The following LRP2 variants were observed in gnomAD, a reference collection of about 807,000 sequenced individuals.
The protein encoded by LRP2 is low-density lipoprotein receptor-related protein 2.
A neutral mutation model predicts 531.0 loss-of-function variants in LRP2; 172 were observed. The ratio of observed to expected loss-of-function variants is 0.32; its 90% CI spans 0.29 to 0.37. LRP2 has a LOEUF of 0.37. Ranked by LOEUF, LRP2 falls within the 10% of genes least tolerant of loss-of-function variation. The probability of loss-of-function intolerance (pLI) is 1.00; values close to 1 mark genes in which losing one functional copy is unlikely to be tolerated. For missense variants in LRP2, 5,167 were observed against 5,868.3 expected (o/e 0.88, Z 3.90); for synonymous variants, 1,992 against 2,027.6 (o/e 0.98, Z 0.47).
intron 1 of LRP2, among the ~76,000 whole-genome samples, chr2:169,355,096 G>T (rs1040681519): frequency 1.3e-5 from 2 of 152,200 alleles, no homozygotes; most frequent in Non-Finnish European, 2.9e-5. Flanking sequence ...GAACTTTCCT[G>T]TCTATCACAA....
chr2:169,326,912 C>T (rs1419546726), intron 1 of LRP2, among the ~76,000 whole-genome samples: 10 of 151,630 alleles, frequency 6.6e-5, no homozygotes, highest in Admixed American at 2.0e-4. Context: ...GCGGCGACCC[C>T]GTCTGGGAGG....
chr2:169,180,496 T>C (rs1019764004), intron 52 of LRP2, among the ~76,000 whole-genome samples: 1 of 152,164 alleles, frequency 6.6e-6, no homozygotes, highest in African/African-American at 2.4e-5. Flanking sequence ...AGAAAGTACT[T>C]GGATTGATTA....
At chr2:169,188,462 T>C (rs1000101418) in intron 48 of LRP2, among the ~76,000 whole-genome samples, 197 bp from the exon 49 acceptor site, 1 of 152,146 alleles carries the variant, frequency 6.6e-6, no homozygotes, top group Non-Finnish European at 1.5e-5. Context: ...AAGAATCCAA[T>C]ATTTGGCATT....
chr2:169,168,018 A>AATATATATATATATATAT (rs4001548), intron 61 of LRP2, among the ~76,000 whole-genome samples: 2,326 of 67,834 alleles, frequency 0.034, 221 homozygotes, highest in Admixed American at 0.057. Context: ...CAGGGTTTAA[A>AATATATATATATATATAT]ATATATATAT....
Position 169,289,275 on chromosome 2 carries a change from C to T in LRP2, c.923-130G>A, listed in dbSNP as rs1042108126. The T allele has an allele frequency of 3.4e-6, 4 of 1,192,034 alleles. No individual in the cohort carries two copies. The African/African-American group carries it at 4.5e-5, about 13-fold the overall frequency. 73.8% of individuals were successfully genotyped at this position (1,192,034 alleles called of 1,614,324 possible). A position where few individuals can be genotyped will look rare whatever the true frequency, so the allele number is the denominator to read the frequency against. On this transcript the variant is annotated intron_variant, in intron 8 of 78. Transcript: ENST00000649046. ...TAGATGTACAGAAAAATCTGTCACC[C>T]TTCAAAGCTTACTGCAAAACTTTGC... is the stretch of plus-strand genomic sequence containing the variant.
intron 31 of LRP2, among the ~76,000 whole-genome samples, chr2:169,228,165 T>C (rs1689267573): frequency 6.6e-6 from 1 of 152,126 alleles, no homozygotes; most frequent in African/African-American, 2.4e-5. Context: ...CACAAAGAAA[T>C]CAAGCAATTT....
Position 169,197,793 on chromosome 2 carries a change from A to G in LRP2, c.8579-763T>C, listed in dbSNP as rs566624403. Among the ~76,000 whole-genome samples, 3 of 152,306 alleles carry G rather than the reference A, an allele frequency of 2.0e-5. No individual in the cohort carries two copies. In the East Asian group the frequency reaches 5.8e-4, roughly 29 times the overall value. On this transcript the variant is annotated intron_variant, in intron 45 of 78. Transcript: ENST00000649046. ...GCCCTATCTGGTGGCTGCAACCTGA[A>G]TTCTGCTTCCTTGTGCTGCTGTTAT...
rs1411097492 is a variant in LRP2 at position 169,216,246 on chromosome 2, C to T, written c.5826+7G>A. ...TAAAGACCAAAAGACTGAAAGGGTG[C>T]TCATACCACTCCTCTTCCAGTGACT... On this transcript the variant is annotated splice_region_variant and intron_variant, in intron 35 of 78. Transcript: ENST00000649046. The T allele has an allele frequency of 2.5e-6, 4 of 1,613,024 alleles. No individual in the cohort carries two copies. Among genetic ancestry groups the T allele is most frequent in the Non-Finnish European group, 3.4e-6 (4 of 1,179,392 alleles).
intron 48 of LRP2, 143 bp downstream of exon 48, chr2:169,191,689 G>T: frequency 3.1e-6 from 2 of 640,796 alleles, no homozygotes; most frequent in South Asian, 2.1e-5. Flanking sequence ...CTTTGATTTG[G>T]AAAGGAATCC....
At chr2:169,247,988 G>A (rs190138390) in intron 19 of LRP2, among the ~76,000 whole-genome samples, 7 of 152,244 alleles carry the variant, frequency 4.6e-5, no homozygotes, top group East Asian at 3.9e-4. Context: ...TAATGACAGC[G>A]CTTAAATTGT....
intron 9 of LRP2, among the ~76,000 whole-genome samples, chr2:169,288,665 A>G (rs1438624761): frequency 6.6e-6 from 1 of 152,210 alleles, no homozygotes; most frequent in Non-Finnish European, 1.5e-5. Context: ...GGCAGCAGCT[A>G]TCTACCAACC....
intron 65 of LRP2, among the ~76,000 whole-genome samples, chr2:169,155,347 T>C (rs1461211579): frequency 6.6e-6 from 1 of 152,230 alleles, no homozygotes; most frequent in African/African-American, 2.4e-5. Context: ...GATTTAAACA[T>C]TTAAAAAATT....
chr2:169,360,128 CAA>C (rs67818940), intron 1 of LRP2, among the ~76,000 whole-genome samples: 137 of 105,014 alleles, frequency 1.3e-3, no homozygotes, highest in East Asian at 2.5e-3. Context: ...CTGTCTCTCT[CAA>C]AAAAAAAAAA....
At chr2:169,217,945 G>T (rs77890224) in intron 34 of LRP2, among the ~76,000 whole-genome samples, 2,802 of 152,188 alleles carry the variant, frequency 0.018, 71 homozygotes, top group Middle Eastern at 0.071. Context: ...TCTTAAAAGA[G>T]TATTCACATT....
chr2:169,266,335 T>G (rs1186048276), intron 16 of LRP2, among the ~76,000 whole-genome samples: 2 of 151,538 alleles, frequency 1.3e-5, no homozygotes, highest in Non-Finnish European at 2.9e-5. Flanking sequence ...GAAGAAATAG[T>G]CAAAAGAGCT....
intron 68 of LRP2, 152 bp downstream of exon 68, chr2:169,150,746 G>T: frequency 1.2e-6 from 1 of 808,940 alleles, no homozygotes; most frequent in South Asian, 1.6e-5. Context: ...TCAAGGGCAT[G>T]TTATAATTCT....
In LRP2 at chr2:169,294,584, T is replaced by C. The variant is rs752230544; in HGVS notation, c.538+16A>G. On this transcript the variant is annotated intron_variant, in intron 5 of 78. Transcript: ENST00000649046. Reference sequence around the variant, plus strand: ...AGCTTCAGCACACAACTGCACATCTTGTGCACAATACTTACTGCAGTTGAT... The same window carrying C: ...AGCTTCAGCACACAACTGCACATCTCGTGCACAATACTTACTGCAGTTGAT... The C allele has an allele frequency of 3.6e-5, 56 of 1,568,206 alleles. No individual in the cohort carries two copies. The highest frequency in any genetic ancestry group is 4.4e-5 in the Non-Finnish European group (50 of 1,138,722).
intron 24 of LRP2, 54 bp downstream of exon 24, chr2:169,242,902 G>T: frequency 7.6e-7 from 1 of 1,314,476 alleles, no homozygotes; most frequent in Non-Finnish European, 1.1e-6. Flanking sequence ...TATCAATACT[G>T]GCAAAAATGA....
chr2:169,127,361 T>A lies in LRP2; in HGVS notation c.*1302A>T, dbSNP rs1407481770. 2 of 152,126 alleles carry A rather than the reference T, an allele frequency of 1.3e-5. No homozygotes were observed. The highest frequency in any genetic ancestry group is 4.8e-5 in the African/African-American group (2 of 41,400). 9.4% of individuals were successfully genotyped at this position (152,126 alleles called of 1,614,324 possible). On this transcript the variant is annotated 3_prime_UTR_variant, in exon 79 of 79. Coordinates refer to ENST00000649046, the MANE Select transcript of LRP2 (RefSeq NM_004525.3). ...CTATTTGCTATGGGAAAGTGTATATTCCTGCCATGGTTCCTGTTGTGCAGA... is the reference window on the plus strand; with the variant it reads ...CTATTTGCTATGGGAAAGTGTATATACCTGCCATGGTTCCTGTTGTGCAGA...
Sources: allele counts gnomAD v4.1 joint callset (sites outside exome capture counted in the v4.1 genomes callset), GRCh38; gene constraint gnomAD v4.1.1; transcripts MANE v1.5; gene names NCBI Gene and HGNC (gene_info 2026-07-23, HGNC 2026-07-21).